MEIS1: variants seen among roughly 807,000 people sequenced by gnomAD.
MEIS1 encodes the protein Meis homeobox 1.
Under a neutral mutation model 50.8 loss-of-function variants are expected in MEIS1, and 5 were observed. The observed-to-expected ratio is 0.10, with a 90% CI of 0.05 to 0.21. The LOEUF (loss-of-function observed/expected upper bound fraction) is 0.21, where lower values mean the gene tolerates loss of function less well. Among genes scored for constraint, MEIS1 ranks in the 10% least tolerant of loss-of-function variants. The pLI, the probability that MEIS1 is intolerant of heterozygous loss-of-function variation, is 1.00. For missense variants in MEIS1, 318 were observed against 517.3 expected, an observed-to-expected ratio of 0.61 and a Z score of 3.74; for synonymous variants, 176 against 179.3, an observed-to-expected ratio of 0.98 and a Z score of 0.15.
At chr2:66,466,941 TA>T (rs397944047) in intron 7 of MEIS1, among the ~76,000 whole-genome samples, 1,797 of 130,192 alleles carry the variant, frequency 0.014, 22 homozygotes, top group African/African-American at 0.033. Context: ...CACCTGTGGT[TA>T]AAAAAAAAAA....
intron 9 of MEIS1, among the ~76,000 whole-genome samples, chr2:66,553,694 TC>T (rs1257721238): frequency 1.3e-5 from 2 of 152,222 alleles, no homozygotes; most frequent in Non-Finnish European, 2.9e-5. Flanking sequence ...GCTTTTTTTT[TC>T]CTTCAGATTT....
At chr2:66,466,900 T>A (rs988630301) in intron 7 of MEIS1, among the ~76,000 whole-genome samples, 2 of 151,390 alleles carry the variant, frequency 1.3e-5, no homozygotes, top group African/African-American at 4.9e-5. Context: ...TTTTTCCTCA[T>A]TCCTTTTCCA....
intron 8 of MEIS1, among the ~76,000 whole-genome samples, chr2:66,545,324 T>A (rs748607635): frequency 1.2e-4 from 19 of 152,212 alleles, no homozygotes; most frequent in African/African-American, 4.6e-4. Flanking sequence ...GCTTGTGTAC[T>A]TCAGTGTACA....
intron 10 of MEIS1, chr2:66,568,386 T>A (rs1322145396): frequency 9.3e-6 from 3 of 321,774 alleles, no homozygotes; most frequent in African/African-American, 2.1e-5. Context: ...CTCCTGTAAC[T>A]TTTTTTCTTC....
chr2:66,469,905 A>C (rs1025351369), intron 7 of MEIS1, among the ~76,000 whole-genome samples: 3 of 151,812 alleles, frequency 2.0e-5, no homozygotes, highest in Non-Finnish European at 4.4e-5. Context: ...CACAAAGTTA[A>C]TACTGCTTGT....
chr2:66,550,415 G>A (rs1380275054), intron 9 of MEIS1, among the ~76,000 whole-genome samples: 2 of 152,164 alleles, frequency 1.3e-5, no homozygotes, highest in African/African-American at 4.8e-5. Flanking sequence ...ACAATACCAT[G>A]TTTGATTTGA....
At position 66,457,995 on chromosome 2, in the gene MEIS1, G is replaced by A. The variant is rs76903810; in HGVS notation, c.631-6114G>A. On this transcript the variant is annotated intron_variant, in intron 6 of 12. Transcript: ENST00000272369. ...GTAAATGTACCTCCCCAAAGAGAAA[G>A]CCGCCTATTGACAGGTGCAGACTGA... 4.1e-3 allele frequency among the ~76,000 whole-genome samples: 624 copies of A among 152,302 alleles called. 22 individuals carry two copies. In the East Asian group the frequency reaches 0.075, roughly 18 times the overall value.
chr2:66,567,765 T>C (rs1675386635), intron 10 of MEIS1: 2 of 617,762 alleles, frequency 3.2e-6, no homozygotes, highest in Non-Finnish European at 5.7e-6. Context: ...ACAATATTCT[T>C]TGTACACATT....
At chr2:66,564,499 G>A (rs1675291948) in intron 9 of MEIS1, among the ~76,000 whole-genome samples, 1 of 152,140 alleles carries the variant, frequency 6.6e-6, no homozygotes, top group South Asian at 2.1e-4. Context: ...AGTGGTCCAG[G>A]TATTGAATGG....
chr2:66,544,066 A>G (rs1674726818), intron 8 of MEIS1, among the ~76,000 whole-genome samples: 1 of 152,178 alleles, frequency 6.6e-6, no homozygotes. Flanking sequence ...CTTTAGTTGC[A>G]AAGGTTTGGA....
At chr2:66,503,852 C>T (rs773004117) in intron 7 of MEIS1, among the ~76,000 whole-genome samples, 3 of 148,408 alleles carry the variant, frequency 2.0e-5, no homozygotes, top group Non-Finnish European at 4.4e-5. Context: ...TCGCGCCATT[C>T]TCCTGCCTCA....
At chr2:66,516,577 TTGTGTGTG>T (rs59154318) in intron 8 of MEIS1, among the ~76,000 whole-genome samples, 1 of 148,134 alleles carries the variant, frequency 6.8e-6, no homozygotes, top group South Asian at 2.2e-4. Context: ...CCTGGAAAAT[TTGTGTGTG>T]TGTGTGTGTG....
intron 6 of MEIS1, among the ~76,000 whole-genome samples, chr2:66,453,087 G>T (rs1292676032): frequency 6.6e-6 from 1 of 151,880 alleles, no homozygotes; most frequent in Non-Finnish European, 1.5e-5. Flanking sequence ...TCAATTAGGT[G>T]CATTGTTCTT....
chr2:66,475,016 C>T (rs1672856328), intron 7 of MEIS1, among the ~76,000 whole-genome samples: 1 of 151,802 alleles, frequency 6.6e-6, no homozygotes, highest in Non-Finnish European at 1.5e-5. Flanking sequence ...TAGTTTGACT[C>T]TTTCCTTGAG....
intron 8 of MEIS1, among the ~76,000 whole-genome samples, chr2:66,527,376 T>C (rs1674277531): frequency 6.6e-6 from 1 of 152,220 alleles, no homozygotes; most frequent in Admixed American, 6.5e-5. Flanking sequence ...TGACTTGTTA[T>C]TGTTCTTGAA....
At chr2:66,515,939 TC>T (rs1208466487) in intron 8 of MEIS1, among the ~76,000 whole-genome samples, 1 of 152,198 alleles carries the variant, frequency 6.6e-6, no homozygotes, top group African/African-American at 2.4e-5. Flanking sequence ...TATCAAGGTT[TC>T]TTTTTCCTTC....
At chr2:66,540,374 T>C (rs1223681489) in intron 8 of MEIS1, among the ~76,000 whole-genome samples, 1 of 152,194 alleles carries the variant, frequency 6.6e-6, no homozygotes, top group Non-Finnish European at 1.5e-5. Context: ...AGTGGTGTGA[T>C]CTTGGGTCAT....
At chr2:66,517,968 TAGA>T (rs1164490842) in intron 8 of MEIS1, among the ~76,000 whole-genome samples, 2 of 152,296 alleles carry the variant, frequency 1.3e-5, no homozygotes, top group Admixed American at 6.5e-5. Flanking sequence ...CATTGTGAAT[TAGA>T]AGATCAAAGG....
chr2:66,520,398 T>A (rs1389838738), intron 8 of MEIS1, among the ~76,000 whole-genome samples: 1 of 151,744 alleles, frequency 6.6e-6, no homozygotes, highest in Non-Finnish European at 1.5e-5. Context: ...GGAGAATGGC[T>A]TGAACCCGGG....
Sources: allele counts gnomAD v4.1 joint callset (sites outside exome capture counted in the v4.1 genomes callset), GRCh38; gene constraint gnomAD v4.1.1; transcripts MANE v1.5; gene names NCBI Gene and HGNC (gene_info 2026-07-23, HGNC 2026-07-21).